Variants in MECOM observed in about 807,000 individuals in gnomAD.
The protein encoded by MECOM is histone-lysine N-methyltransferase MECOM.
A neutral mutation model predicts 116.3 loss-of-function variants in MECOM; 13 were observed. That is an observed-to-expected ratio of 0.11 (90% CI 0.07 to 0.18). The LOEUF is 0.18. Ranked by LOEUF, MECOM falls within the 10% of genes least tolerant of loss-of-function variation. The probability of loss-of-function intolerance (pLI) is 1.00; values close to 1 mark genes in which losing one functional copy is unlikely to be tolerated. For synonymous variants in MECOM, 528 were observed against 535.2 expected (o/e 0.99, Z 0.19); for missense variants, 1,299 against 1,509.0 (o/e 0.86, Z 2.31).
chr3:169,127,799 C>A (rs1216065572), intron 5 of MECOM, 45 bp downstream of exon 5: 2 of 1,558,130 alleles, frequency 1.3e-6, no homozygotes, highest in Non-Finnish European at 1.8e-6. Flanking sequence ...CATAACATTG[C>A]AGAAAAAATA....
intron 1 of MECOM, among the ~76,000 whole-genome samples, chr3:169,659,672 C>T (rs1479886026): frequency 3.3e-5 from 5 of 151,862 alleles, no homozygotes; most frequent in Non-Finnish European, 5.9e-5. Context: ...TAAAACAAAG[C>T]TCTGTTTTCA....
intron 7 of MECOM, among the ~76,000 whole-genome samples, chr3:169,119,881 A>T (rs1560200252): frequency 6.6e-6 from 1 of 152,194 alleles, no homozygotes; most frequent in Non-Finnish European, 1.5e-5. Flanking sequence ...CCCGGGGAAC[A>T]GAAGAGCATA....
chr3:169,560,924 T>A (rs1046620959), intron 1 of MECOM, among the ~76,000 whole-genome samples: 7 of 151,936 alleles, frequency 4.6e-5, no homozygotes, highest in Admixed American at 2.6e-4. Context: ...AAAAAGAGGT[T>A]TCTACAAACG....
In MECOM at chr3:169,216,577, TAA is replaced by T. The variant is rs527868465; in HGVS notation, c.376-72747_376-72746del. Among the ~76,000 whole-genome samples, 1,208 of 133,756 alleles carry T rather than the reference TAA, an allele frequency of 9.0e-3. 18 individuals carry two copies. Among genetic ancestry groups the T allele is most frequent in the African/African-American group, 0.03 (1,106 of 36,906 alleles). 87.7% of individuals were successfully genotyped at this position (133,756 alleles called of 152,430 possible). A position where few individuals can be genotyped will look rare whatever the true frequency, so the allele number is the denominator to read the frequency against. ...GCTAATTTACACAAACCTTCTCTAG[TAA>T]AAAAAAAAAAAAAGTACACTATAGG... On this transcript the variant is annotated intron_variant, in intron 2 of 16. Coordinates refer to ENST00000651503, the MANE Select transcript of MECOM (RefSeq NM_004991.4).
chr3:169,183,757 TACATACACACACACAC>T (rs1258348163), intron 2 of MECOM, among the ~76,000 whole-genome samples: 292 of 84,572 alleles, frequency 3.5e-3, no homozygotes, highest in African/African-American at 0.01. Context: ...AGAAGATACA[TACATACACACACACAC>T]ACACACACAC....
At chr3:169,097,833 A>AAAAAAAAAAAAAAAAG (rs1430112507) in intron 12 of MECOM, among the ~76,000 whole-genome samples, 1 of 149,006 alleles carries the variant, frequency 6.7e-6, no homozygotes, top group East Asian at 2.0e-4. Flanking sequence ...AAAAAAAAAA[A>AAAAAAAAAAAAAAAAG]AAAAAAAGGT....
At chr3:169,146,483 C>T (rs377098165) in intron 2 of MECOM, 3 of 1,382,630 alleles carry the variant, frequency 2.2e-6, no homozygotes, top group Non-Finnish European at 2.9e-6. Flanking sequence ...CCACCGAAGG[C>T]CGGACGACCC....
intron 2 of MECOM, among the ~76,000 whole-genome samples, chr3:169,241,618 A>C (rs528904858): frequency 2.0e-5 from 3 of 152,294 alleles, no homozygotes; most frequent in Admixed American, 2.0e-4. Context: ...TCTATCAAGA[A>C]GCATTACTTT....
intron 2 of MECOM, among the ~76,000 whole-genome samples, chr3:169,372,153 T>C (rs1257417418): frequency 2.0e-5 from 3 of 152,054 alleles, no homozygotes; most frequent in South Asian, 2.1e-4. Context: ...CATTATGTTC[T>C]ATGTGTAAAT....
At chr3:169,584,923 C>T (rs897457322) in intron 1 of MECOM, among the ~76,000 whole-genome samples, 1 of 152,188 alleles carries the variant, frequency 6.6e-6, no homozygotes, top group Non-Finnish European at 1.5e-5. Flanking sequence ...AATATAAATT[C>T]TAGTTATTTC....
intron 1 of MECOM, among the ~76,000 whole-genome samples, chr3:169,456,732 G>A (rs1190727746): frequency 6.6e-6 from 1 of 152,038 alleles, no homozygotes; most frequent in Non-Finnish European, 1.5e-5. Context: ...CCTCCGTAAA[G>A]GTGGGACCAC....
At chr3:169,300,095 T>G (rs750427118) in intron 2 of MECOM, among the ~76,000 whole-genome samples, 2 of 152,208 alleles carry the variant, frequency 1.3e-5, no homozygotes, top group Non-Finnish European at 2.9e-5. Flanking sequence ...TGATAATGTT[T>G]TTCAACAATT....
chr3:169,447,925 A>C (rs563931454), intron 1 of MECOM: 32 of 152,408 alleles, frequency 2.1e-4, no homozygotes, highest in African/African-American at 7.7e-4. Flanking sequence ...GCAAGAAATG[A>C]AGCTGAAATG....
intron 1 of MECOM, among the ~76,000 whole-genome samples, chr3:169,472,035 A>G (rs1272665042): frequency 2.0e-5 from 3 of 152,102 alleles, no homozygotes. Flanking sequence ...TGCCATGACT[A>G]CATGTGCAAG....
At chr3:169,495,805 G>C (rs1753735210) in intron 1 of MECOM, among the ~76,000 whole-genome samples, 1 of 152,226 alleles carries the variant, frequency 6.6e-6, no homozygotes, top group African/African-American at 2.4e-5. Flanking sequence ...GCACAGTGAT[G>C]TTAATTGATG....
At chr3:169,177,480 C>T (rs770212552) in intron 2 of MECOM, among the ~76,000 whole-genome samples, 5 of 151,578 alleles carry the variant, frequency 3.3e-5, no homozygotes, top group African/African-American at 9.7e-5. Context: ...GGGTGGAGGG[C>T]GAGGGGAAGG....
At chr3:169,394,376 A>C (rs1342602899) in intron 1 of MECOM, among the ~76,000 whole-genome samples, 2 of 152,224 alleles carry the variant, frequency 1.3e-5, no homozygotes, top group Non-Finnish European at 2.9e-5. Context: ...AAATAGAGTC[A>C]AGTGAATGGC....
intron 2 of MECOM, among the ~76,000 whole-genome samples, chr3:169,252,826 G>C (rs1230046093): frequency 6.6e-6 from 1 of 152,218 alleles, no homozygotes; most frequent in Non-Finnish European, 1.5e-5. Flanking sequence ...GATGGCTAAA[G>C]CCAGATATGG....
chr3:169,629,277 G>A (rs985100802), intron 1 of MECOM, among the ~76,000 whole-genome samples: 4 of 151,724 alleles, frequency 2.6e-5, no homozygotes, highest in Non-Finnish European at 2.9e-5. Flanking sequence ...TATATTTGCC[G>A]ACATCATAAT....
Sources: allele counts gnomAD v4.1 joint callset (sites outside exome capture counted in the v4.1 genomes callset), GRCh38; gene constraint gnomAD v4.1.1; transcripts MANE v1.5; gene names NCBI Gene and HGNC (gene_info 2026-07-23, HGNC 2026-07-21).